The following ULK4 variants were observed in gnomAD, a reference collection of about 807,000 sequenced individuals.
ULK4 encodes the protein inactive serine/threonine-protein kinase ULK4.
A neutral mutation model predicts 160.6 loss-of-function variants in ULK4; 133 were observed. The ratio of observed to expected loss-of-function variants is 0.83; its 90% CI spans 0.72 to 0.96. The LOEUF is 0.96. ULK4 is among the 40% of genes least tolerant of loss of function. ULK4 has a pLI of 0.00. For missense variants in ULK4, 1,580 were observed against 1,499.5 expected (o/e 1.05, Z -0.89); for synonymous variants, 534 against 539.8 (o/e 0.99, Z 0.15).
In ULK4 at chr3:41,289,924, G is replaced by A. The variant is rs2079530304; in HGVS notation, c.3679-40350C>T. On this transcript the variant is annotated intron_variant, in intron 35 of 36. Transcript: ENST00000301831. ...GAGTTTTGCTCTTGTTGCCCAGGCTGGAGCACAATGGCACGATCTCGGTTC... is the reference window on the plus strand; with the variant it reads ...GAGTTTTGCTCTTGTTGCCCAGGCTAGAGCACAATGGCACGATCTCGGTTC... 2.0e-5 allele frequency among the ~76,000 whole-genome samples: 3 copies of A among 152,050 alleles called. No homozygotes were observed. The South Asian group carries it at 6.2e-4, about 32-fold the overall frequency.
intron 2 of ULK4, among the ~76,000 whole-genome samples, chr3:41,948,430 G>A (rs543012305): frequency 6.6e-5 from 10 of 151,958 alleles, no homozygotes; most frequent in Non-Finnish European, 5.9e-5. Flanking sequence ...CAGCCTGGAC[G>A]AAAGAGTCTG....
chr3:41,830,415 T>G (rs975105698), intron 18 of ULK4, among the ~76,000 whole-genome samples: 1 of 151,960 alleles, frequency 6.6e-6, no homozygotes, highest in East Asian at 1.9e-4. Flanking sequence ...CAAGTCTATA[T>G]AAAGAAAGCA....
At chr3:41,741,524 T>C (rs960202627) in intron 22 of ULK4, among the ~76,000 whole-genome samples, 1 of 151,986 alleles carries the variant, frequency 6.6e-6, no homozygotes, top group Non-Finnish European at 1.5e-5. Flanking sequence ...TTAGAAATAA[T>C]GCTGCATTAA....
At chr3:41,391,799 T>TTG (rs2081962707) in intron 35 of ULK4, among the ~76,000 whole-genome samples, 1 of 152,092 alleles carries the variant, frequency 6.6e-6, no homozygotes, top group Non-Finnish European at 1.5e-5. Flanking sequence ...AGGGTAAAGA[T>TTG]TCTTCATGGA....
intron 35 of ULK4, among the ~76,000 whole-genome samples, chr3:41,294,276 A>C (rs1431840876): frequency 6.6e-6 from 1 of 152,184 alleles, no homozygotes; most frequent in East Asian, 1.9e-4. Context: ...CCTCTGGAGG[A>C]TGCAACATTC....
chr3:41,644,303 C>G (rs1177755175), intron 30 of ULK4, among the ~76,000 whole-genome samples: 2 of 151,744 alleles, frequency 1.3e-5, no homozygotes, highest in Non-Finnish European at 2.9e-5. Flanking sequence ...AGTTTTTGCC[C>G]ATTCAGTATG....
intron 30 of ULK4, among the ~76,000 whole-genome samples, chr3:41,658,949 C>T (rs758153018): frequency 2.8e-4 from 43 of 152,052 alleles, no homozygotes; most frequent in Non-Finnish European, 5.4e-4. Context: ...ACATTCAAAG[C>T]GGCACAAGGG....
At chr3:41,280,798 T>A (rs933454155) in intron 35 of ULK4, among the ~76,000 whole-genome samples, 1 of 151,720 alleles carries the variant, frequency 6.6e-6, no homozygotes. Flanking sequence ...AGGCAAGAAA[T>A]AACTAAGATC....
intron 29 of ULK4, among the ~76,000 whole-genome samples, chr3:41,680,116 T>C (rs2035872090): frequency 6.6e-6 from 1 of 152,184 alleles, no homozygotes; most frequent in Non-Finnish European, 1.5e-5. Flanking sequence ...TTTAGAAGCA[T>C]AAAATGCACT....
chr3:41,434,040 T>G (rs892346353), intron 34 of ULK4, among the ~76,000 whole-genome samples: 1 of 152,116 alleles, frequency 6.6e-6, no homozygotes, highest in Admixed American at 6.5e-5. Context: ...ACTTTTTGAG[T>G]GTCAATATGA....
intron 32 of ULK4, among the ~76,000 whole-genome samples, chr3:41,481,913 T>TA (rs1306389049): frequency 1.3e-5 from 2 of 151,974 alleles, no homozygotes; most frequent in African/African-American, 4.8e-5. Context: ...TTAAGAAAAT[T>TA]AATCCTTTAT....
At chr3:41,648,577 T>C (rs1456755525) in intron 30 of ULK4, among the ~76,000 whole-genome samples, 1 of 152,218 alleles carries the variant, frequency 6.6e-6, no homozygotes, top group Non-Finnish European at 1.5e-5. Flanking sequence ...ACTGTTTTCT[T>C]AGCCTACCCT....
intron 35 of ULK4, among the ~76,000 whole-genome samples, chr3:41,259,115 T>C (rs1402100716): frequency 4.6e-5 from 6 of 129,252 alleles, no homozygotes. Flanking sequence ...TGTATATATG[T>C]GTATATATAT....
intron 17 of ULK4, among the ~76,000 whole-genome samples, chr3:41,870,666 G>A (rs191522744): frequency 6.6e-6 from 1 of 152,306 alleles, no homozygotes; most frequent in East Asian, 1.9e-4. Flanking sequence ...GGTACAATGT[G>A]TATATATAAT....
chr3:41,883,923 A>G lies in ULK4; in HGVS notation c.1607T>C (p.Leu536Ser). 4.3e-6 allele frequency: 7 copies of G among 1,611,062 alleles called. No individual in the cohort carries two copies. Among genetic ancestry groups the G allele is most frequent in the Non-Finnish European group, 4.2e-6 (5 of 1,177,112 alleles). The change falls in exon 17 of 37, where the codon TTA becomes TCA. Residue 536 changes from leucine (L) to serine (S), a missense_variant. Coordinates refer to ENST00000301831, the MANE Select transcript of ULK4 (RefSeq NM_017886.4). Reference protein sequence around the residue: ...IRAKVAHVIGLLASHTAELQE... With the variant: ...IRAKVAHVIGSLASHTAELQE... Reference sequence around the variant, plus strand: ...GAGCTCAGCTGTGTGCGAAGCCAGTAAACCAATTACGTGAGCAACCTTGGC... The same window carrying G: ...GAGCTCAGCTGTGTGCGAAGCCAGTGAACCAATTACGTGAGCAACCTTGGC...
chr3:41,824,844 T>G (rs923906860), intron 18 of ULK4, among the ~76,000 whole-genome samples: 1 of 152,160 alleles, frequency 6.6e-6, no homozygotes, highest in African/African-American at 2.4e-5. Flanking sequence ...CAGCTGGAGA[T>G]CTGAGAACGG....
intron 34 of ULK4, among the ~76,000 whole-genome samples, chr3:41,404,486 T>C (rs1314544811): frequency 1.3e-5 from 2 of 152,210 alleles, no homozygotes; most frequent in East Asian, 1.9e-4. Flanking sequence ...TTGAGGTTTC[T>C]TGTAGATAGC....
At position 41,327,577 on chromosome 3, in the gene ULK4, G is replaced by A. The variant is rs73831314; in HGVS notation, c.3678+70502C>T. On this transcript the variant is annotated intron_variant, in intron 35 of 36. Transcript: ENST00000301831. ...ACACCTCTTCATTGTAGAATAGGCC[G>A]GTAGTCACCTTTCAACTGCAGCAAT... Among the ~76,000 whole-genome samples, 842 of 152,192 alleles carry A rather than the reference G, an allele frequency of 5.5e-3. 13 individuals are homozygous for A. The highest frequency in any genetic ancestry group is 0.019 in the African/African-American group (789 of 41,524).
chr3:41,841,517 A>G (rs1308253610), intron 17 of ULK4, among the ~76,000 whole-genome samples: 3 of 129,578 alleles, frequency 2.3e-5, no homozygotes, highest in South Asian at 2.6e-4. Context: ...AGTGAGAAGC[A>G]CCTCTGCCCA....
Sources: allele counts gnomAD v4.1 joint callset (sites outside exome capture counted in the v4.1 genomes callset), GRCh38; gene constraint gnomAD v4.1.1; transcripts MANE v1.5; gene names NCBI Gene and HGNC (gene_info 2026-07-23, HGNC 2026-07-21).